The following PALLD variants were observed in gnomAD, a reference collection of about 807,000 sequenced individuals.
The protein encoded by PALLD is palladin, cytoskeletal associated protein, also known as palladin.
Under a neutral mutation model 123.5 loss-of-function variants are expected in PALLD, and 61 were observed. The observed-to-expected ratio is 0.49, with a 90% CI of 0.40 to 0.61. PALLD has a LOEUF of 0.61. Ranked by LOEUF, PALLD falls within the 20% of genes least tolerant of loss-of-function variation. The pLI, the probability that PALLD is intolerant of heterozygous loss-of-function variation, is 0.00. For missense variants in PALLD, 1,273 were observed against 1,377.0 expected (o/e 0.92, Z 1.20); for synonymous variants, 465 against 496.4 (o/e 0.94, Z 0.84).
intron 2 of PALLD, among the ~76,000 whole-genome samples, chr4:168,639,612 T>G (rs143504453): frequency 6.6e-6 from 1 of 151,694 alleles, no homozygotes; most frequent in Non-Finnish European, 1.5e-5. Flanking sequence ...GGTGTGATCT[T>G]GGCTCACTGC....
intron 2 of PALLD, among the ~76,000 whole-genome samples, chr4:168,550,887 A>T (rs547679776): frequency 6.6e-6 from 1 of 152,162 alleles, no homozygotes; most frequent in Non-Finnish European, 1.5e-5. Context: ...TTTTTGGAAA[A>T]ACAGTTTCTA....
At chr4:168,638,035 G>A (rs2149853894) in intron 2 of PALLD, among the ~76,000 whole-genome samples, 1 of 151,222 alleles carries the variant, frequency 6.6e-6, no homozygotes, top group East Asian at 1.9e-4. Context: ...TTATTAAAAG[G>A]AGTCCAATTT....
At chr4:168,700,838 G>A (rs1339884578) in intron 8 of PALLD, 3 of 151,934 alleles carry the variant, frequency 2.0e-5, no homozygotes, top group Non-Finnish European at 1.5e-5. Flanking sequence ...ACTCCAGCCT[G>A]GGCAACAGTG....
At chr4:168,808,600 A>G (rs1740586702) in intron 10 of PALLD, among the ~76,000 whole-genome samples, 1 of 152,254 alleles carries the variant, frequency 6.6e-6, no homozygotes, top group Admixed American at 6.5e-5. Context: ...CACATTGCTG[A>G]TAAAGACATA....
chr4:168,782,339 T>C (rs1736043321), intron 10 of PALLD, among the ~76,000 whole-genome samples: 1 of 152,188 alleles, frequency 6.6e-6, no homozygotes, highest in African/African-American at 2.4e-5. Flanking sequence ...GATGCTTAAT[T>C]TTTAAAATAG....
At position 168,512,233 on chromosome 4, in the gene PALLD, C is replaced by T. The variant is rs374804494; in HGVS notation, c.729C>T (p.Tyr243=). Residue 243 remains tyrosine (Y), a synonymous_variant, in exon 2 of 22, where the codon TAC becomes TAT. Transcript: ENST00000505667. ...AGTCCCCTGGGGCCAGGCATTGCTA[C>T]CAGGACAACCAGGACTTGGCAGTGC... ...EVKSPGARHC[Y]QDNQDLAVPH... is the part of the protein sequence containing the mutation. 9 of 1,613,724 alleles carry T rather than the reference C, an allele frequency of 5.6e-6. No homozygotes were observed. In the African/African-American group the frequency reaches 1.2e-4, roughly 22 times the overall value.
chr4:168,708,048 C>T (rs1196110559), intron 8 of PALLD, among the ~76,000 whole-genome samples: 1 of 152,134 alleles, frequency 6.6e-6, no homozygotes, highest in Non-Finnish European at 1.5e-5. Context: ...GGAGTCTGGA[C>T]CCCAGCTTGC....
chr4:168,678,671 A>T (rs1017023145), intron 3 of PALLD, among the ~76,000 whole-genome samples: 1 of 152,026 alleles, frequency 6.6e-6, no homozygotes, highest in African/African-American at 2.4e-5. Context: ...GGGAAGTCCC[A>T]TCACAGCCCG....
At chr4:168,772,940 C>T (rs1157589932) in intron 10 of PALLD, among the ~76,000 whole-genome samples, 6 of 152,026 alleles carry the variant, frequency 3.9e-5, no homozygotes, top group Non-Finnish European at 7.4e-5. Context: ...CTCATGCTTG[C>T]TCTCTTGGGC....
chr4:168,855,266 T>C (rs1748439685), intron 10 of PALLD, among the ~76,000 whole-genome samples: 1 of 152,056 alleles, frequency 6.6e-6, no homozygotes, highest in African/African-American at 2.4e-5. Flanking sequence ...AATTTTTGTA[T>C]TTTTAGTAGA....
intron 17 of PALLD, among the ~76,000 whole-genome samples, chr4:168,918,251 G>T (rs556513848): frequency 1.2e-4 from 18 of 151,172 alleles, no homozygotes; most frequent in Admixed American, 5.3e-4. Context: ...CATGTTCATT[G>T]CAGCACTATT....
chr4:168,612,142 G>A (rs775131708), intron 2 of PALLD, among the ~76,000 whole-genome samples: 47 of 151,512 alleles, frequency 3.1e-4, no homozygotes, highest in Non-Finnish European at 5.4e-4. Flanking sequence ...CCTGGGTGAC[G>A]AAGTGAGACC....
chr4:168,747,813 T>C (rs1185958279), intron 10 of PALLD, among the ~76,000 whole-genome samples: 1 of 152,226 alleles, frequency 6.6e-6, no homozygotes. Context: ...ACTGTAAATA[T>C]CTTCAAGAAT....
At chr4:168,552,007 A>G (rs966040014) in intron 2 of PALLD, among the ~76,000 whole-genome samples, 2 of 152,196 alleles carry the variant, frequency 1.3e-5, no homozygotes, top group Admixed American at 6.5e-5. Context: ...ACTACTCCAC[A>G]AGGGTAAACC....
chr4:168,859,221 A>G (rs1749079026), intron 10 of PALLD, among the ~76,000 whole-genome samples: 1 of 152,134 alleles, frequency 6.6e-6, no homozygotes, highest in African/African-American at 2.4e-5. Context: ...CTTTTACCCT[A>G]AATCTTTGGA....
rs147374144 is a variant in PALLD, at chr4:168,567,310, C to T, written c.908+54898C>T. Among the ~76,000 whole-genome samples the T allele has an allele frequency of 2.5e-3, 379 of 151,798 alleles. 3 individuals carry two copies. Among genetic ancestry groups the T allele is most frequent in the African/African-American group, 8.2e-3 (340 of 41,422 alleles). ...ACTAATAATTGGAATCTACAAGAAA[C>T]TCAAACAACTCAATAAGAAATAAAC... On this transcript the variant is annotated intron_variant, in intron 2 of 21. Coordinates refer to ENST00000505667, the MANE Select transcript of PALLD (RefSeq NM_001166108.2).
At chr4:168,718,908 ATT>A (rs55772255) in intron 10 of PALLD, among the ~76,000 whole-genome samples, 6 of 140,228 alleles carry the variant, frequency 4.3e-5, no homozygotes, top group African/African-American at 1.1e-4. Context: ...TGCCAATCTA[ATT>A]TTTTTTTTTT....
chr4:168,702,399 A>C (rs1200284518), intron 8 of PALLD, among the ~76,000 whole-genome samples: 2 of 152,070 alleles, frequency 1.3e-5, no homozygotes, highest in Admixed American at 6.5e-5. Flanking sequence ...AAAAATACAA[A>C]AAAAGTTAGC....
intron 1 of PALLD, among the ~76,000 whole-genome samples, chr4:168,497,822 A>T (rs983705452): frequency 4.7e-4 from 72 of 152,348 alleles, no homozygotes; most frequent in African/African-American, 1.6e-3. Context: ...TCAAGTTTAA[A>T]CATCACAGAA....
Sources: gnomAD v4.1 joint callset for allele counts (sites outside exome capture counted in the v4.1 genomes callset) on GRCh38, gnomAD v4.1.1 for gene constraint, MANE v1.5 for transcripts, NCBI Gene and HGNC (gene_info 2026-07-23, HGNC 2026-07-21) for gene names.